Variants in MICAL3 observed in about 807,000 individuals in gnomAD.
MICAL3 encodes [F-actin]-monooxygenase MICAL3.
Under a neutral mutation model 207.4 loss-of-function variants are expected in MICAL3, and 62 were observed. The ratio of observed to expected loss-of-function variants is 0.30; its 90% CI spans 0.24 to 0.37. MICAL3 has a LOEUF of 0.37. MICAL3 is among the 10% of genes least tolerant of loss of function. MICAL3 has a pLI of 1.00. For missense variants in MICAL3, 2,368 were observed against 2,635.6 expected, an observed-to-expected ratio of 0.90 and a Z score of 2.22; for synonymous variants, 1,077 against 1,069.3, an observed-to-expected ratio of 1.01 and a Z score of -0.14.
At chr22:17,870,796 C>CTT (rs940077065) in intron 17 of MICAL3, among the ~76,000 whole-genome samples, 1 of 152,158 alleles carries the variant, frequency 6.6e-6, no homozygotes, top group African/African-American at 2.4e-5. Context: ...CTCGGGAGTG[C>CTT]TTTTTACCAA....
intron 1 of MICAL3, among the ~76,000 whole-genome samples, chr22:17,956,330 C>T (rs780248004): frequency 4.6e-5 from 7 of 152,194 alleles, no homozygotes; most frequent in Non-Finnish European, 8.8e-5. Flanking sequence ...GCAGCAACCT[C>T]CCAGGTATGC....
At chr22:17,971,545 A>G (rs1424748440) in intron 1 of MICAL3, among the ~76,000 whole-genome samples, 1 of 152,164 alleles carries the variant, frequency 6.6e-6, no homozygotes, top group Non-Finnish European at 1.5e-5. Context: ...GCATTCATCT[A>G]GCATTCATCT....
intron 20 of MICAL3, among the ~76,000 whole-genome samples, chr22:17,835,052 C>T (rs1376056850): frequency 6.6e-6 from 1 of 152,246 alleles, no homozygotes; most frequent in East Asian, 1.9e-4. Flanking sequence ...TGTCCTCACC[C>T]TGCGCCATGT....
intron 20 of MICAL3, among the ~76,000 whole-genome samples, chr22:17,832,748 G>T (rs552795670): frequency 6.6e-6 from 1 of 152,128 alleles, no homozygotes; most frequent in Non-Finnish European, 1.5e-5. Context: ...GTGGTGGGGG[G>T]AGGGGGGACC....
intron 25 of MICAL3, among the ~76,000 whole-genome samples, chr22:17,821,186 A>C (rs951483379): frequency 1.3e-5 from 2 of 152,126 alleles, no homozygotes; most frequent in African/African-American, 4.8e-5. Context: ...GGTGCCACCC[A>C]GACGGCCTCA....
At chr22:17,893,425 T>C (rs947375697) in intron 11 of MICAL3, among the ~76,000 whole-genome samples, 3 of 151,954 alleles carry the variant, frequency 2.0e-5, no homozygotes, top group African/African-American at 7.3e-5. Flanking sequence ...GCCAAAGACT[T>C]TTTCCACAAA....
At chr22:17,828,312 C>T (rs1182317359) in intron 21 of MICAL3, among the ~76,000 whole-genome samples, 1 of 152,254 alleles carries the variant, frequency 6.6e-6, no homozygotes, top group Admixed American at 6.5e-5. Flanking sequence ...GAGATTGTGT[C>T]ATTCTGCCGC....
intron 19 of MICAL3, among the ~76,000 whole-genome samples, chr22:17,844,643 A>G (rs1001007914): frequency 5.9e-5 from 9 of 152,302 alleles, no homozygotes; most frequent in African/African-American, 2.2e-4. Context: ...GAAGGGGCAA[A>G]ACACGAATAC....
chr22:17,903,611 C>G (rs1461536541), intron 3 of MICAL3, among the ~76,000 whole-genome samples: 1 of 152,250 alleles, frequency 6.6e-6, no homozygotes, highest in Non-Finnish European at 1.5e-5. Context: ...TTTACCACAG[C>G]CACCACCCTT....
At chr22:17,873,991 C>A (rs938207307) in intron 16 of MICAL3, among the ~76,000 whole-genome samples, 1 of 152,214 alleles carries the variant, frequency 6.6e-6, no homozygotes, top group Non-Finnish European at 1.5e-5. Flanking sequence ...GGGATGCCAA[C>A]AGCCCCCTTA....
intron 29 of MICAL3, 161 bp from the exon 30 acceptor site, chr22:17,791,462 C>T (rs1015947307): frequency 1.4e-5 from 9 of 653,596 alleles, no homozygotes; most frequent in African/African-American, 1.1e-4. Context: ...GGGGCCCTGG[C>T]GTCCCCCTTC....
At chr22:17,837,849 C>T (rs1037856637) in intron 20 of MICAL3, among the ~76,000 whole-genome samples, 1 of 152,334 alleles carries the variant, frequency 6.6e-6, no homozygotes, top group Admixed American at 6.5e-5. Context: ...CTAGAAGTTA[C>T]ATTTGTTTTG....
intron 1 of MICAL3, among the ~76,000 whole-genome samples, chr22:17,981,448 A>C (rs1465682177): frequency 3.9e-5 from 6 of 152,212 alleles, no homozygotes; most frequent in African/African-American, 7.2e-5. Flanking sequence ...TATTTACTCA[A>C]TTTTCTTGTA....
chr22:17,943,109 C>T (rs111842762), intron 1 of MICAL3, among the ~76,000 whole-genome samples: 13 of 152,302 alleles, frequency 8.5e-5, no homozygotes, highest in African/African-American at 3.1e-4. Flanking sequence ...CTGAAATCAA[C>T]TCCTCTTCCT....
chr22:17,858,713 G>C (rs1926194628), intron 19 of MICAL3, among the ~76,000 whole-genome samples: 1 of 152,206 alleles, frequency 6.6e-6, no homozygotes, highest in Non-Finnish European at 1.5e-5. Context: ...CAGATTTCAA[G>C]AAGTTTCAGA....
intron 1 of MICAL3, among the ~76,000 whole-genome samples, chr22:17,938,937 G>T (rs577372003): frequency 5.9e-5 from 9 of 152,248 alleles, no homozygotes; most frequent in African/African-American, 2.2e-4. Context: ...CCAGTAAAGG[G>T]GTGTTGTGGT....
At chr22:17,791,677 C>T in intron 29 of MICAL3, 1 of 233,414 alleles carries the variant, frequency 4.3e-6, no homozygotes, top group Non-Finnish European at 8.5e-6. Context: ...TGGAGGAAAC[C>T]CGTCTTGTTA....
rs1441964144 is a variant in MICAL3 at position 17,790,645 on chromosome 22, G to A, written c.*87C>T. The A allele has an allele frequency of 8.0e-7, 1 of 1,244,900 alleles. No homozygotes were observed. Among genetic ancestry groups the A allele is most frequent in the Non-Finnish European group, 1.1e-6 (1 of 900,730 alleles). 77.1% of individuals were successfully genotyped at this position (1,244,900 alleles called of 1,614,324 possible). A position where few individuals can be genotyped will look rare whatever the true frequency, so the allele number is the denominator to read the frequency against. ...AGCGTAAACTCCAAGGAGGTGCCAGGCCTCCTCAGATCGCGGCTCCGGGTG... is the reference window on the plus strand; with the variant it reads ...AGCGTAAACTCCAAGGAGGTGCCAGACCTCCTCAGATCGCGGCTCCGGGTG... On this transcript the variant is annotated 3_prime_UTR_variant, in exon 32 of 32. Coordinates refer to ENST00000441493, the MANE Select transcript of MICAL3 (RefSeq NM_015241.3).
chr22:17,869,796 C>A (rs1342565483), intron 17 of MICAL3, among the ~76,000 whole-genome samples: 1 of 152,172 alleles, frequency 6.6e-6, no homozygotes, highest in Non-Finnish European at 1.5e-5. Context: ...CATACAAGTT[C>A]TCTGAACTCA....
Sources: allele counts gnomAD v4.1 joint callset (sites outside exome capture counted in the v4.1 genomes callset), GRCh38; gene constraint gnomAD v4.1.1; transcripts MANE v1.5; gene names NCBI Gene and HGNC (gene_info 2026-07-23, HGNC 2026-07-21).